The following JMY variants were observed in gnomAD, a reference collection of about 807,000 sequenced individuals.
JMY encodes junction-mediating and -regulatory protein.
JMY carries 46 observed loss-of-function variants against 103.3 expected under a neutral mutation model. The ratio of observed to expected loss-of-function variants is 0.45; its 90% CI spans 0.35 to 0.57. The LOEUF is 0.57. Ranked by LOEUF, JMY falls within the 20% of genes least tolerant of loss-of-function variation. The pLI is 0.00. For synonymous variants in JMY, 526 were observed against 489.3 expected, an observed-to-expected ratio of 1.07 and a Z score of -0.99; for missense variants, 1,238 against 1,255.2, an observed-to-expected ratio of 0.99 and a Z score of 0.21.
At chr5:79,279,520 G>A (rs1310711015) in intron 2 of JMY, among the ~76,000 whole-genome samples, 1 of 152,266 alleles carries the variant, frequency 6.6e-6, no homozygotes, top group South Asian at 2.1e-4. Flanking sequence ...CATTATGTAA[G>A]ATTGAGTATT....
intron 1 of JMY, among the ~76,000 whole-genome samples, chr5:79,238,580 A>T (rs912380739): frequency 7.9e-5 from 12 of 151,872 alleles, no homozygotes; most frequent in African/African-American, 2.9e-4. Context: ...TTCTCAAAGC[A>T]AGTTACTGTT....
At chr5:79,287,685 TAAAC>T (rs1327501396) in intron 2 of JMY, among the ~76,000 whole-genome samples, 1 of 152,162 alleles carries the variant, frequency 6.6e-6, no homozygotes, top group Non-Finnish European at 1.5e-5. Context: ...TAAAGTCAGT[TAAAC>T]AGCAGCTTAA....
At chr5:79,285,853 A>G (rs994833310) in intron 2 of JMY, among the ~76,000 whole-genome samples, 2 of 152,134 alleles carry the variant, frequency 1.3e-5, no homozygotes, top group African/African-American at 4.8e-5. Context: ...TTTCCCCCCT[A>G]CTGTGTTTCT....
At chr5:79,294,263 G>C (rs1746505805) in intron 4 of JMY, among the ~76,000 whole-genome samples, 1 of 152,076 alleles carries the variant, frequency 6.6e-6, no homozygotes, top group African/African-American at 2.4e-5. Flanking sequence ...AAATTAGCCA[G>C]GTGGGTGGCG....
intron 6 of JMY, among the ~76,000 whole-genome samples, chr5:79,301,115 A>G (rs549537029): frequency 6.6e-6 from 1 of 152,328 alleles, no homozygotes; most frequent in African/African-American, 2.4e-5. Context: ...GATCCCTGAT[A>G]ATGTGATTCC....
At chr5:79,258,629 G>A (rs1745328507) in intron 1 of JMY, among the ~76,000 whole-genome samples, 1 of 152,132 alleles carries the variant, frequency 6.6e-6, no homozygotes, top group Non-Finnish European at 1.5e-5. Flanking sequence ...AGCTCCAGGT[G>A]CCAGTACTGG....
intron 1 of JMY, among the ~76,000 whole-genome samples, chr5:79,257,744 C>A (rs1015675529): frequency 1.3e-5 from 2 of 152,104 alleles, no homozygotes; most frequent in Non-Finnish European, 2.9e-5. Flanking sequence ...CATTGTAAGT[C>A]CCTAAGAGAT....
intron 1 of JMY, among the ~76,000 whole-genome samples, chr5:79,262,881 A>G (rs1299927203): frequency 2.6e-5 from 4 of 152,244 alleles, no homozygotes; most frequent in Non-Finnish European, 5.9e-5. Context: ...GTTATTGTAC[A>G]TATTTGTGTA....
intron 4 of JMY, among the ~76,000 whole-genome samples, chr5:79,299,086 T>A (rs921554882): frequency 2.6e-5 from 4 of 152,196 alleles, no homozygotes; most frequent in Non-Finnish European, 4.4e-5. Flanking sequence ...TTCCCTTTTG[T>A]TCCTCTCGTC....
intron 6 of JMY, among the ~76,000 whole-genome samples, chr5:79,303,399 G>A (rs7724580): frequency 0.033 from 4,969 of 152,002 alleles, 96 homozygotes; most frequent in South Asian, 0.062. Context: ...AGGTGGAGGT[G>A]GGAGGCTGAT....
chr5:79,245,612 G>A (rs1258691897), intron 1 of JMY, among the ~76,000 whole-genome samples: 1 of 151,934 alleles, frequency 6.6e-6, no homozygotes, highest in Non-Finnish European at 1.5e-5. Flanking sequence ...GCAAGGGTTG[G>A]GACCTGAGCA....
At chr5:79,318,089 C>T (rs1747297798) in intron 10 of JMY, among the ~76,000 whole-genome samples, 1 of 152,138 alleles carries the variant, frequency 6.6e-6, no homozygotes, top group African/African-American at 2.4e-5. Flanking sequence ...GCAAGCTCCA[C>T]CTCGTGGGTT....
chr5:79,307,720 CTAG>C (rs1482846005), intron 7 of JMY, among the ~76,000 whole-genome samples: 3 of 152,164 alleles, frequency 2.0e-5, no homozygotes, highest in African/African-American at 7.2e-5. Context: ...CTATATATCT[CTAG>C]TAAGGTGTCT....
chr5:79,268,045 A>G (rs758107857), intron 1 of JMY, among the ~76,000 whole-genome samples: 32 of 152,208 alleles, frequency 2.1e-4, no homozygotes, highest in Non-Finnish European at 4.3e-4. Flanking sequence ...GGAGTTCAAG[A>G]TGAGCCTGAG....
At chr5:79,248,805 A>C (rs1389577958) in intron 1 of JMY, among the ~76,000 whole-genome samples, 1 of 152,020 alleles carries the variant, frequency 6.6e-6, no homozygotes, top group Non-Finnish European at 1.5e-5. Context: ...CGCAGGCTGG[A>C]ATGCAGTGGT....
At chr5:79,238,423 G>T (rs1461237675) in intron 1 of JMY, among the ~76,000 whole-genome samples, 4 of 151,878 alleles carry the variant, frequency 2.6e-5, no homozygotes, top group African/African-American at 4.8e-5. Context: ...TGGAAGAAAG[G>T]GTCTGAATGG....
chr5:79,274,396 GT>G (rs1373606877), intron 1 of JMY, among the ~76,000 whole-genome samples: 2 of 147,322 alleles, frequency 1.4e-5, no homozygotes, highest in African/African-American at 2.5e-5. Context: ...TAAAAATAGT[GT>G]TTTTTTTTGT....
At chr5:79,288,173 A>G (rs1411768018) in intron 2 of JMY, among the ~76,000 whole-genome samples, 8 of 152,214 alleles carry the variant, frequency 5.3e-5, no homozygotes, top group Non-Finnish European at 8.8e-5. Context: ...GACATTTTAA[A>G]TGTCTTTTAA....
chr5:79,284,500 A>G, intron 2 of JMY: 7 of 1,587,946 alleles, frequency 4.4e-6, no homozygotes, highest in Non-Finnish European at 6.0e-6. Flanking sequence ...TTTTAGTAAA[A>G]CCAACACAGA....
Sources: allele counts gnomAD v4.1 joint callset (sites outside exome capture counted in the v4.1 genomes callset), GRCh38; gene constraint gnomAD v4.1.1; transcripts MANE v1.5; gene names NCBI Gene and HGNC (gene_info 2026-07-23, HGNC 2026-07-21).